The following ATP8A2 variants were observed in gnomAD, a reference collection of about 807,000 sequenced individuals.
ATP8A2 encodes ATPase phospholipid transporting 8A2, also known as phospholipid-transporting ATPase IB.
ATP8A2 carries 100 observed loss-of-function variants against 165.6 expected under a neutral mutation model. The observed-to-expected ratio is 0.60, with a 90% confidence interval of 0.51 to 0.71. The LOEUF (loss-of-function observed/expected upper bound fraction) is 0.71, where lower values mean the gene tolerates loss of function less well. Among genes scored for constraint, ATP8A2 ranks in the 30% least tolerant of loss-of-function variants. ATP8A2 has a pLI of 0.00. For missense variants in ATP8A2, 1,227 were observed against 1,479.5 expected, an observed-to-expected ratio of 0.83 and a Z score of 2.80; for synonymous variants, 543 against 548.8, an observed-to-expected ratio of 0.99 and a Z score of 0.15.
chr13:25,786,187 C>T (rs2045021491), intron 27 of ATP8A2, among the ~76,000 whole-genome samples: 2 of 152,156 alleles, frequency 1.3e-5, no homozygotes, highest in Non-Finnish European at 2.9e-5. Context: ...TGGTAAATGT[C>T]TGTACTTTCA....
chr13:25,451,789 A>G (rs2035230523), intron 1 of ATP8A2, among the ~76,000 whole-genome samples: 1 of 151,890 alleles, frequency 6.6e-6, no homozygotes, highest in South Asian at 2.1e-4. Context: ...AGTTTTCAGA[A>G]TCTCAATGTA....
chr13:25,559,001 G>C lies in ATP8A2; in HGVS notation c.1292G>C (p.Gly431Ala). The C allele has an allele frequency of 6.2e-7, 1 of 1,612,202 alleles. No individual in the cohort carries two copies. Among genetic ancestry groups the C allele is most frequent in the Non-Finnish European group, 8.5e-7 (1 of 1,179,036 alleles). Residue 431 changes from glycine (G) to alanine (A), a missense_variant, in exon 14 of 37, where the codon GGA becomes GCA. By Grantham distance (60) the Gly-to-Ala change is moderately conservative. Around this residue, in one of 5 missense-constraint regions of ATP8A2, gnomAD observed 592 missense variants for 785.6 expected, o/e 0.75. Transcript: ENST00000381655. Reference protein sequence around the residue: ...QVKYLFSDKTGTLTCNIMNFK... With the variant: ...QVKYLFSDKTATLTCNIMNFK... ...AAATATCTCTTTTCTGACAAGACTG[G>C]AACGCTTACATGCAATATCATGAAC...
intron 2 of ATP8A2, among the ~76,000 whole-genome samples, chr13:25,478,398 A>T (rs2078331514): frequency 6.6e-6 from 1 of 152,180 alleles, no homozygotes. Context: ...CTTACTCAGA[A>T]ATGCTAATCA....
At chr13:25,533,168 T>C in intron 5 of ATP8A2, 105 bp from the exon 6 acceptor site, 1 of 689,048 alleles carries the variant, frequency 1.5e-6, no homozygotes, top group Non-Finnish European at 2.6e-6. Flanking sequence ...AGATAGGGTA[T>C]GTTAGAATTA....
intron 1 of ATP8A2, among the ~76,000 whole-genome samples, chr13:25,426,830 C>T (rs1187159975): frequency 3.9e-5 from 6 of 152,110 alleles, no homozygotes; most frequent in Admixed American, 3.9e-4. Context: ...CCTGTAATCC[C>T]AGCTACTCGG....
chr13:25,425,767 G>A (rs1364806355), intron 1 of ATP8A2, among the ~76,000 whole-genome samples: 5 of 152,000 alleles, frequency 3.3e-5, no homozygotes, highest in African/African-American at 1.2e-4. Flanking sequence ...TAGTAGAGAC[G>A]GGGTTTCACT....
At chr13:25,924,625 G>T (rs1170925324) in intron 33 of ATP8A2, among the ~76,000 whole-genome samples, 1 of 103,566 alleles carries the variant, frequency 9.7e-6, no homozygotes, top group African/African-American at 3.6e-5. Context: ...CTAAGGGCTA[G>T]GGCTTCAACA....
chr13:25,962,477 C>T (rs556459533), intron 34 of ATP8A2, among the ~76,000 whole-genome samples: 20 of 152,212 alleles, frequency 1.3e-4, no homozygotes, highest in Middle Eastern at 3.4e-3. Context: ...TTTCAAGATA[C>T]CTTGTTACAA....
intron 25 of ATP8A2, among the ~76,000 whole-genome samples, chr13:25,733,688 C>A (rs927518585): frequency 6.6e-6 from 1 of 152,122 alleles, no homozygotes; most frequent in African/African-American, 2.4e-5. Flanking sequence ...AAGTTGAAAA[C>A]ATTGTATCAC....
chr13:25,826,924 A>G (rs1413331076), intron 27 of ATP8A2, among the ~76,000 whole-genome samples: 1 of 144,568 alleles, frequency 6.9e-6, no homozygotes, highest in Admixed American at 7.0e-5. Flanking sequence ...ATGTAGCTGA[A>G]TATTCAGCAG....
chr13:25,882,257 G>A (rs542203090), intron 33 of ATP8A2, among the ~76,000 whole-genome samples: 86 of 152,286 alleles, frequency 5.6e-4, no homozygotes, highest in African/African-American at 2.0e-3. Context: ...AGAGTTAAGT[G>A]CCAAACCAAG....
chr13:25,570,876 A>G lies in ATP8A2; in HGVS notation c.1579+4A>G, dbSNP rs1396131128. The stretch of plus-strand genomic sequence containing the variant: ...ATCTACCAGGCCTCTTCCCCAGGTG[A>G]GGGCTCTGGCCGGATGCGCCCTGCT... On this transcript the variant is annotated splice_donor_region_variant and intron_variant, in intron 17 of 36. Transcript: ENST00000381655. The G allele has an allele frequency of 1.2e-6, 2 of 1,609,262 alleles. No homozygotes were observed. Among genetic ancestry groups the G allele is most frequent in the Non-Finnish European group, 1.7e-6 (2 of 1,176,254 alleles).
chr13:25,994,202 G>GA (rs1681726138), intron 35 of ATP8A2, among the ~76,000 whole-genome samples: 1 of 151,960 alleles, frequency 6.6e-6, no homozygotes, highest in African/African-American at 2.4e-5. Context: ...GTACTTTGAT[G>GA]AACTGACTTA....
intron 24 of ATP8A2, among the ~76,000 whole-genome samples, chr13:25,601,230 C>T (rs993733400): frequency 2.0e-5 from 3 of 152,140 alleles, no homozygotes; most frequent in African/African-American, 7.2e-5. Context: ...TCGTAGTTAA[C>T]TATTTTCAAC....
chr13:25,707,069 T>C (rs990032364), intron 25 of ATP8A2, among the ~76,000 whole-genome samples: 3 of 152,178 alleles, frequency 2.0e-5, no homozygotes, highest in Admixed American at 6.5e-5. Flanking sequence ...GATCTTACCA[T>C]AATTTCTCTA....
intron 1 of ATP8A2, among the ~76,000 whole-genome samples, chr13:25,426,676 C>T (rs2034457301): frequency 6.6e-6 from 1 of 152,138 alleles, no homozygotes; most frequent in Non-Finnish European, 1.5e-5. Context: ...GGCACGGTGG[C>T]TCATGCCTGT....
chr13:25,602,088 C>A (rs2040402599), intron 24 of ATP8A2, among the ~76,000 whole-genome samples: 1 of 152,002 alleles, frequency 6.6e-6, no homozygotes, highest in African/African-American at 2.4e-5. Context: ...ACTTGCTTAT[C>A]AACATTTTTT....
chr13:25,652,921 G>A (rs1388209996), intron 24 of ATP8A2, among the ~76,000 whole-genome samples: 1 of 152,096 alleles, frequency 6.6e-6, no homozygotes, highest in Non-Finnish European at 1.5e-5. Context: ...TTAAGCTTTA[G>A]ATTTCTGCTG....
chr13:25,605,648 A>G (rs2040496478), intron 24 of ATP8A2, among the ~76,000 whole-genome samples: 1 of 152,144 alleles, frequency 6.6e-6, no homozygotes, highest in Non-Finnish European at 1.5e-5. Flanking sequence ...CTCACAATAG[A>G]TATTCATGTT....
Sources: gnomAD v4.1 joint callset for allele counts (sites outside exome capture counted in the v4.1 genomes callset) on GRCh38, gnomAD v4.1.1 for gene constraint, gnomAD v4.1.1 regional missense constraint, MANE v1.5 for transcripts, NCBI Gene and HGNC (gene_info 2026-07-23, HGNC 2026-07-21) for gene names.